Variants in BEND6 observed in about 807,000 individuals in gnomAD.
BEND6 encodes the protein BEN domain containing 6, also known as BEN domain-containing protein 6.
BEND6 carries 24 observed loss-of-function variants against 31.8 expected under a neutral mutation model. The observed-to-expected ratio is 0.75, with a 90% CI of 0.55 to 1.06. The LOEUF (loss-of-function observed/expected upper bound fraction) is 1.06, where lower values mean the gene tolerates loss of function less well. Ranked by LOEUF, BEND6 falls within the 50% of genes least tolerant of loss-of-function variation. The pLI, the probability that BEND6 is intolerant of heterozygous loss-of-function variation, is 0.00. For synonymous variants in BEND6, 109 were observed against 114.6 expected, an observed-to-expected ratio of 0.95 and a Z score of 0.31; for missense variants, 294 against 327.4, an observed-to-expected ratio of 0.90 and a Z score of 0.79.
intron 3 of BEND6, among the ~76,000 whole-genome samples, chr6:56,995,445 G>A (rs1330118550): frequency 1.3e-5 from 2 of 152,068 alleles, no homozygotes; most frequent in Admixed American, 1.3e-4. Context: ...TAGCTAGCTA[G>A]GGCTGCAGTG....
At chr6:56,983,534 T>C (rs1826141568) in intron 2 of BEND6, among the ~76,000 whole-genome samples, 1 of 152,182 alleles carries the variant, frequency 6.6e-6, no homozygotes, top group Non-Finnish European at 1.5e-5. Flanking sequence ...TTTTTTAGAT[T>C]CCAGATGTAA....
intron 3 of BEND6, among the ~76,000 whole-genome samples, chr6:56,993,335 A>G (rs1306612365): frequency 1.3e-5 from 2 of 152,246 alleles, no homozygotes; most frequent in Non-Finnish European, 2.9e-5. Flanking sequence ...GTAAATACAC[A>G]GAACATTTTG....
rs746571328 is a variant in BEND6, at chr6:57,018,425, A to C, written c.717A>C (p.Val239=). 6.3e-7 allele frequency: 1 copy of C among 1,582,964 alleles called. No individual in the cohort carries two copies. The highest frequency in any genetic ancestry group is 1.4e-5 in the African/African-American group (1 of 72,710). ...NQNEVQEIIG[V]TKQLFPNTDD... is the part of the protein sequence containing the mutation. ...GTCGCTATTGGTTTTTTACAGGAGT[A>C]ACAAAACAATTATTTCCCAATACGG... The change falls in exon 6 of 7, where the codon GTA becomes GTC. Residue 239 remains valine, a synonymous_variant. Coordinates refer to ENST00000370746, the MANE Select transcript of BEND6 (RefSeq NM_152731.3).
chr6:57,016,585 C>T (rs1159157800), intron 4 of BEND6, among the ~76,000 whole-genome samples: 1 of 152,178 alleles, frequency 6.6e-6, no homozygotes, highest in Non-Finnish European at 1.5e-5. Flanking sequence ...AATCACATTC[C>T]TTGGTTCACA....
At chr6:56,977,914 A>C (rs1445779673) in intron 1 of BEND6, among the ~76,000 whole-genome samples, 1 of 152,118 alleles carries the variant, frequency 6.6e-6, no homozygotes, top group Admixed American at 6.5e-5. Flanking sequence ...CCAAGATTGC[A>C]CCACTACACT....
In BEND6 at chr6:57,015,354, G is replaced by A. The variant is rs755886695; in HGVS notation, c.519+1G>A. On this transcript the variant is annotated splice_donor_variant, in intron 4 of 6. Transcript: ENST00000370746. LOFTEE classifies it high-confidence loss of function. ...AGAGCATCAGACTGATGAGAAACAG[G>A]TCAGTTGTAATACCCGCCTTATTGT... The A allele has an allele frequency of 6.2e-7, 1 of 1,609,900 alleles. No individual in the cohort carries two copies. The highest frequency in any genetic ancestry group is 1.7e-5 in the Admixed American group (1 of 60,006).
intron 1 of BEND6, among the ~76,000 whole-genome samples, chr6:56,962,678 T>C (rs570450357): frequency 3.2e-4 from 49 of 152,314 alleles, no homozygotes; most frequent in African/African-American, 1.1e-3. Flanking sequence ...AGAGAAGATA[T>C]TGCAGGATTG....
chr6:57,017,643 T>A (rs2127892635), intron 5 of BEND6, among the ~76,000 whole-genome samples: 1 of 152,326 alleles, frequency 6.6e-6, no homozygotes, highest in African/African-American at 2.4e-5. Context: ...ATACAATTTA[T>A]AGCTTTGGAA....
intron 1 of BEND6, among the ~76,000 whole-genome samples, chr6:56,978,601 C>A (rs537940922): frequency 8.5e-4 from 130 of 152,240 alleles, no homozygotes; most frequent in Middle Eastern, 3.4e-3. Flanking sequence ...CCAATAATGT[C>A]AACAGTGAAC....
chr6:56,977,972 G>A (rs1451332936), intron 1 of BEND6, among the ~76,000 whole-genome samples: 2 of 150,116 alleles, frequency 1.3e-5, no homozygotes, highest in African/African-American at 2.5e-5. Context: ...AAAGAAAAGG[G>A]TGTACAATTC....
rs531470965 is a variant in BEND6, at chr6:57,027,090, C to G, written c.*1018C>G. The G allele has an allele frequency of 6.6e-6, 1 of 152,184 alleles. No individual in the cohort carries two copies. The highest frequency in any genetic ancestry group is 1.5e-5 in the Non-Finnish European group (1 of 68,018). The allele number at this position is 152,184 out of a possible 1,614,324, so 9.4% of individuals were successfully genotyped here. ...AAACATTCTTCATCAAAAGGCTTCTCGCTTGGTGTCAGGTTGTCACATGTG... is the reference window on the plus strand; with the variant it reads ...AAACATTCTTCATCAAAAGGCTTCTGGCTTGGTGTCAGGTTGTCACATGTG... On this transcript the variant is annotated 3_prime_UTR_variant, in exon 7 of 7. Transcript: ENST00000370746.
chr6:56,973,091 A>G (rs1210584509), intron 1 of BEND6, among the ~76,000 whole-genome samples: 1 of 152,188 alleles, frequency 6.6e-6, no homozygotes, highest in Non-Finnish European at 1.5e-5. Context: ...CAAAACATAA[A>G]ACCATAAAGG....
chr6:57,019,495 GCCACTTTCGAGA>G (rs1827670875), intron 6 of BEND6, among the ~76,000 whole-genome samples: 1 of 151,970 alleles, frequency 6.6e-6, no homozygotes, highest in African/African-American at 2.4e-5. Context: ...CCTAATACCA[GCCACTTTCGAGA>G]CCATTTTACT....
intron 1 of BEND6, among the ~76,000 whole-genome samples, chr6:56,963,181 C>A (rs1477566143): frequency 6.6e-6 from 1 of 152,190 alleles, no homozygotes; most frequent in Non-Finnish European, 1.5e-5. Flanking sequence ...TGCAGCTCTT[C>A]CCCTAAAGGA....
At chr6:57,005,968 T>C (rs755878090) in intron 3 of BEND6, among the ~76,000 whole-genome samples, 14 of 152,172 alleles carry the variant, frequency 9.2e-5, no homozygotes, top group Admixed American at 7.8e-4. Context: ...AATCAACAGA[T>C]CAGTGGAACA....
chr6:56,981,416 C>T (rs1009161208), intron 1 of BEND6, among the ~76,000 whole-genome samples: 6 of 152,028 alleles, frequency 3.9e-5, no homozygotes, highest in African/African-American at 7.2e-5. Flanking sequence ...TTTCTAGTTT[C>T]GTAGACTCCT....
intron 3 of BEND6, among the ~76,000 whole-genome samples, chr6:57,000,317 G>T (rs1826882390): frequency 6.6e-6 from 1 of 152,178 alleles, no homozygotes; most frequent in Non-Finnish European, 1.5e-5. Context: ...AACATGTGCT[G>T]TGTTAACTCA....
At chr6:57,008,080 G>C in intron 3 of BEND6, 1 of 678,508 alleles carries the variant, frequency 1.5e-6, no homozygotes, top group South Asian at 1.6e-5. Flanking sequence ...GAAGGTCAGA[G>C]ACAAAAATGC....
At chr6:57,016,435 T>C (rs535508939) in intron 4 of BEND6, among the ~76,000 whole-genome samples, 3 of 152,316 alleles carry the variant, frequency 2.0e-5, no homozygotes, top group Non-Finnish European at 4.4e-5. Context: ...AGCAGGTGCA[T>C]TTCTTTCTGA....
Sources: gnomAD v4.1 joint callset for allele counts (sites outside exome capture counted in the v4.1 genomes callset) on GRCh38, gnomAD v4.1.1 for gene constraint, MANE v1.5 for transcripts, NCBI Gene and HGNC (gene_info 2026-07-23, HGNC 2026-07-21) for gene names.